Variants in C17orf100 observed in about 807,000 individuals in gnomAD.
C17orf100 encodes uncharacterized protein C17orf100.
Under a neutral mutation model 0.7 loss-of-function variants are expected in C17orf100, and 1 was observed. The ratio of observed to expected loss-of-function variants is 1.50; its 90% CI spans 0.53 to 7.13. C17orf100 has a LOEUF of 7.13. Ranked by LOEUF, C17orf100 falls within the 30% of genes most tolerant of loss-of-function variation. C17orf100 has a pLI of 0.14. For synonymous variants in C17orf100, 87 were observed against 84.0 expected (o/e 1.04, Z -0.20); for missense variants, 168 against 171.5 (o/e 0.98, Z 0.11).
rs759872575 is a variant in C17orf100 at position 6,652,232 on chromosome 17, A to G, written c.319A>G (p.Lys107Glu). 11 of 1,608,280 alleles carry G rather than the reference A, an allele frequency of 6.8e-6. No homozygotes were observed. In the African/African-American group the frequency reaches 1.5e-4, roughly 21 times the overall value. Residue 107 changes from lysine (K) to glutamate (E), a missense_variant, in exon 1 of 1, where the codon AAG becomes GAG. Physicochemically the swap from Lys to Glu is moderately conservative, Grantham distance 56 (BLOSUM62 1). Transcript: ENST00000542475. Reference protein sequence around the residue: ...HCAESPTPRAKPAARQNEKTA... With the variant: ...HCAESPTPRAEPAARQNEKTA... ...CGCGGAGAGCCCGACCCCGCGGGCC[A>G]AGCCGGCCGCCCGCCAGAACGAAAA...
rs1972842129 is a variant in C17orf100, at chr17:6,651,797, C to G, written c.-117C>G. 1 of 1,442,480 alleles carries G rather than the reference C, an allele frequency of 6.9e-7. No homozygotes were observed. Among genetic ancestry groups the G allele is most frequent in the African/African-American group, 1.4e-5 (1 of 69,808 alleles). 89.4% of individuals were successfully genotyped at this position (1,442,480 alleles called of 1,614,324 possible). A position where few individuals can be genotyped will look rare whatever the true frequency, so the allele number is the denominator to read the frequency against. ...TCGAAGGACCATGGTGCTTCCACGT[C>G]ATCGTGTTGTGGCGCTCCCGGCTAT... On this transcript the variant is annotated 5_prime_UTR_variant, in exon 1 of 1. Coordinates refer to ENST00000542475, the MANE Select transcript of C17orf100 (RefSeq NM_001105520.2).
Position 6,651,864 on chromosome 17 carries a change from T to A in C17orf100, c.-50T>A, listed in dbSNP as rs945489497. 2.1e-6 allele frequency: 3 copies of A among 1,452,234 alleles called. No homozygotes were observed. In the South Asian group the frequency reaches 4.4e-5, roughly 21 times the overall value. 90.0% of individuals were successfully genotyped at this position (1,452,234 alleles called of 1,614,324 possible). On this transcript the variant is annotated 5_prime_UTR_variant, in exon 1 of 1. It adds an upstream start codon to the 5' untranslated region. Coordinates refer to ENST00000542475, the MANE Select transcript of C17orf100 (RefSeq NM_001105520.2). ...TCCTCTCTTCTGCCTGCGGTGACCATTGGGCTGTAGGGTGCCCCGAGGCCT... is the reference window on the plus strand; with the variant it reads ...TCCTCTCTTCTGCCTGCGGTGACCAATGGGCTGTAGGGTGCCCCGAGGCCT...
rs1290484127 is a variant in C17orf100, at chr17:6,652,576, G to A, written c.*306G>A. The A allele has an allele frequency of 3.5e-6, 4 of 1,151,650 alleles. No homozygotes were observed. The highest frequency in any genetic ancestry group is 4.6e-6 in the Non-Finnish European group (4 of 871,948). 71.3% of individuals were successfully genotyped at this position (1,151,650 alleles called of 1,614,324 possible). ...TCGGGTTGATGGACAAAGAGAGGCT[G>A]TTTGAGCCTCTGAGCCAGGTGAGTT... On this transcript the variant is annotated 3_prime_UTR_variant, in exon 1 of 1. Coordinates refer to ENST00000542475, the MANE Select transcript of C17orf100 (RefSeq NM_001105520.2).
Position 6,652,113 on chromosome 17 carries a change from C to T in C17orf100, c.200C>T (p.Ser67Phe), listed in dbSNP as rs918275335. The change falls in exon 1 of 1, where the codon TCC (serine) becomes TTC (phenylalanine). Residue 67 changes from serine to phenylalanine, a missense_variant. By Grantham distance (155) the Ser-to-Phe change is radical. Transcript: ENST00000542475. ...GKRLPRILEA[S>F]SRHVESSSQR... ...CGGCTCCCTCGCATCCTCGAGGCGTCCTCCCGGCACGTGGAATCCTCCTCG... is the reference window on the plus strand; with the variant it reads ...CGGCTCCCTCGCATCCTCGAGGCGTTCTCCCGGCACGTGGAATCCTCCTCG... 6.3e-7 allele frequency: 1 copy of T among 1,589,968 alleles called. No homozygotes were observed.
At position 6,652,481 on chromosome 17, in the gene C17orf100, T is replaced by G; in HGVS notation, c.*211T>G. 6.9e-7 allele frequency: 1 copy of G among 1,452,714 alleles called. No individual in the cohort carries two copies. Among genetic ancestry groups the G allele is most frequent in the Non-Finnish European group, 9.1e-7 (1 of 1,101,000 alleles). 90.0% of individuals were successfully genotyped at this position (1,452,714 alleles called of 1,614,324 possible). On this transcript the variant is annotated 3_prime_UTR_variant, in exon 1 of 1. Transcript: ENST00000542475. ...CGTCCTGCGTCTTGGACCAGCCTACTTTTGACCCAGTGAACTATTTTCACT... is the reference window on the plus strand; with the variant it reads ...CGTCCTGCGTCTTGGACCAGCCTACGTTTGACCCAGTGAACTATTTTCACT...
In C17orf100 at chr17:6,651,965, C is replaced by T. The variant is rs1453482116; in HGVS notation, c.52C>T (p.Arg18Cys). The T allele has an allele frequency of 3.9e-6, 6 of 1,540,146 alleles. No homozygotes were observed. The highest frequency in any genetic ancestry group is 1.4e-5 in the African/African-American group (1 of 73,068). The change falls in exon 1 of 1, where the codon CGC (arginine) becomes TGC (cysteine). Residue 18 changes from arginine (R) to cysteine (C), a missense_variant. Coordinates refer to ENST00000542475, the MANE Select transcript of C17orf100 (RefSeq NM_001105520.2). ...KQSSPRVGTT[R>C]YTETSTVRVE... Reference sequence around the variant, plus strand: ...GTCTTCGCCCCGGGTGGGGACCACCCGCTACACAGAGACGTCCACGGTCCG... The same window carrying T: ...GTCTTCGCCCCGGGTGGGGACCACCTGCTACACAGAGACGTCCACGGTCCG...
Position 6,652,167 on chromosome 17 carries a change from T to A in C17orf100, c.254T>A (p.Val85Asp). Residue 85 changes from valine (V) to aspartate (D), a missense_variant, in exon 1 of 1, where the codon GTC (valine) becomes GAC (aspartate). Physicochemically the swap from Val to Asp is radical, Grantham distance 152 (BLOSUM62 -3). Coordinates refer to ENST00000542475, the MANE Select transcript of C17orf100 (RefSeq NM_001105520.2). ...CGCACGGAAACGACCTCCCGCCACG[T>A]CAGAGCCTCGTCCCTGAGGGTGGAG... Reference protein sequence around the residue: ...SQRTETTSRHVRASSLRVETS... With the variant: ...SQRTETTSRHDRASSLRVETS... 6.2e-7 allele frequency: 1 copy of A among 1,604,056 alleles called. No homozygotes were observed. Among genetic ancestry groups the A allele is most frequent in the Non-Finnish European group, 8.5e-7 (1 of 1,179,340 alleles).
In C17orf100 at chr17:6,652,335, TGCCA is replaced by T. The variant is rs747097323; in HGVS notation, c.*80_*83del. On this transcript the variant is annotated 3_prime_UTR_variant, in exon 1 of 1. Coordinates refer to ENST00000542475, the MANE Select transcript of C17orf100 (RefSeq NM_001105520.2). ...CAGCCAGGACAGAAAGGCCTCCAGT[TGCCA>T]GCCAGCCAGCCAGCTGCCAGGTGGA... 38 of 1,595,264 alleles carry T rather than the reference TGCCA, an allele frequency of 2.4e-5. 1 individual carries two copies. The highest frequency in any genetic ancestry group is 2.3e-4 in the South Asian group (20 of 88,744).
Position 6,652,473 on chromosome 17 carries a change from C to A in C17orf100, c.*203C>A. The A allele has an allele frequency of 6.9e-7, 1 of 1,459,458 alleles. No homozygotes were observed. Among genetic ancestry groups the A allele is most frequent in the Non-Finnish European group, 9.1e-7 (1 of 1,104,954 alleles). 90.4% of individuals were successfully genotyped at this position (1,459,458 alleles called of 1,614,324 possible). ...TTACTGACCGTCCTGCGTCTTGGACCAGCCTACTTTTGACCCAGTGAACTA... is the reference window on the plus strand; with the variant it reads ...TTACTGACCGTCCTGCGTCTTGGACAAGCCTACTTTTGACCCAGTGAACTA... On this transcript the variant is annotated 3_prime_UTR_variant, in exon 1 of 1. Transcript: ENST00000542475.
At position 6,652,225 on chromosome 17, in the gene C17orf100, G is replaced by T. The variant is rs74923988; in HGVS notation, c.312G>T (p.Pro104=). 3.7e-6 allele frequency: 6 copies of T among 1,607,538 alleles called. No individual in the cohort carries two copies. In the East Asian group the frequency reaches 1.1e-4, roughly 30 times the overall value. The change falls in exon 1 of 1, where the codon CCG becomes CCT. Residue 104 remains proline (P), a synonymous_variant. Transcript: ENST00000542475. ...TSLHCAESPT[P]RAKPAARQNE... ...TGCACTGCGCGGAGAGCCCGACCCC[G>T]CGGGCCAAGCCGGCCGCCCGCCAGA...
At position 6,652,684 on chromosome 17, in the gene C17orf100, C is replaced by T. The variant is rs1972855410; in HGVS notation, c.*414C>T. 1 of 249,630 alleles carries T rather than the reference C, an allele frequency of 4.0e-6. No individual in the cohort carries two copies. Among genetic ancestry groups the T allele is most frequent in the Non-Finnish European group, 8.1e-6 (1 of 124,172 alleles). The allele number at this position is 249,630 out of a possible 1,614,324, so 15.5% of individuals were successfully genotyped here. A position where few individuals can be genotyped will look rare whatever the true frequency, so the allele number is the denominator to read the frequency against. On this transcript the variant is annotated 3_prime_UTR_variant, in exon 1 of 1. Coordinates refer to ENST00000542475, the MANE Select transcript of C17orf100 (RefSeq NM_001105520.2). Reference sequence around the variant, plus strand: ...TAATGACCTGTGGAATGATTCCATGCCTGCTAAAAACTCGAGGGACAAGGA... The same window carrying T: ...TAATGACCTGTGGAATGATTCCATGTCTGCTAAAAACTCGAGGGACAAGGA...
chr17:6,651,970 C>T lies in C17orf100; in HGVS notation c.57C>T (p.Tyr19=), dbSNP rs1376752551. 2.6e-6 allele frequency: 4 copies of T among 1,546,584 alleles called. No individual in the cohort carries two copies. The highest frequency in any genetic ancestry group is 1.7e-4 in the Middle Eastern group (1 of 5,946). ...QSSPRVGTTR[Y]TETSTVRVET... is the part of the protein sequence containing the mutation. ...CGCCCCGGGTGGGGACCACCCGCTA[C>T]ACAGAGACGTCCACGGTCCGCGTGG... Residue 19 remains tyrosine, a synonymous_variant, in exon 1 of 1, where the codon TAC becomes TAT. Coordinates refer to ENST00000542475, the MANE Select transcript of C17orf100 (RefSeq NM_001105520.2).
chr17:6,652,158 C>T lies in C17orf100; in HGVS notation c.245C>T (p.Ser82Phe). 6.2e-7 allele frequency: 1 copy of T among 1,602,354 alleles called. No homozygotes were observed. The highest frequency in any genetic ancestry group is 8.5e-7 in the Non-Finnish European group (1 of 1,178,944). ...ESSSQRTETTSRHVRASSLRV... is the reference protein window; with the variant it reads ...ESSSQRTETTFRHVRASSLRV... The stretch of plus-strand genomic sequence containing the variant: ...TCCTCGCAGCGCACGGAAACGACCT[C>T]CCGCCACGTCAGAGCCTCGTCCCTG... Residue 82 changes from serine (S) to phenylalanine (F), a missense_variant, in exon 1 of 1, where the codon TCC becomes TTC. Transcript: ENST00000542475.
chr17:6,652,651 A>C lies in C17orf100; in HGVS notation c.*381A>C. ...CTTCACCCCTTAGGAACAGAGACCA[A>C]ACTGAAATAATGACCTGTGGAATGA... On this transcript the variant is annotated 3_prime_UTR_variant, in exon 1 of 1. Transcript: ENST00000542475. 3 of 366,960 alleles carry C rather than the reference A, an allele frequency of 8.2e-6. No individual in the cohort carries two copies. The highest frequency in any genetic ancestry group is 3.6e-5 in the South Asian group (1 of 27,654). 22.7% of individuals were successfully genotyped at this position (366,960 alleles called of 1,614,324 possible).
Position 6,652,597 on chromosome 17 carries a change from G to C in C17orf100, c.*327G>C, listed in dbSNP as rs988806940. The C allele has an allele frequency of 4.2e-6, 4 of 941,966 alleles. No individual in the cohort carries two copies. In the African/African-American group the frequency reaches 6.9e-5, roughly 16 times the overall value. 58.4% of individuals were successfully genotyped at this position (941,966 alleles called of 1,614,324 possible). ...GGCTGTTTGAGCCTCTGAGCCAGGT[G>C]AGTTTGGGATCCACAGCCCTCAGAA... On this transcript the variant is annotated 3_prime_UTR_variant, in exon 1 of 1. Coordinates refer to ENST00000542475, the MANE Select transcript of C17orf100 (RefSeq NM_001105520.2).
chr17:6,651,846 T>G lies in C17orf100; in HGVS notation c.-68T>G, dbSNP rs1398840403. ...ATGGCAGTACCGTAGTTTTCCTCTCTTCTGCCTGCGGTGACCATTGGGCTG... is the reference window on the plus strand; with the variant it reads ...ATGGCAGTACCGTAGTTTTCCTCTCGTCTGCCTGCGGTGACCATTGGGCTG... On this transcript the variant is annotated 5_prime_UTR_variant, in exon 1 of 1. Coordinates refer to ENST00000542475, the MANE Select transcript of C17orf100 (RefSeq NM_001105520.2). The G allele has an allele frequency of 2.8e-6, 4 of 1,447,386 alleles. No individual in the cohort carries two copies. The highest frequency in any genetic ancestry group is 3.6e-6 in the Non-Finnish European group (4 of 1,102,238). 89.7% of individuals were successfully genotyped at this position (1,447,386 alleles called of 1,614,324 possible).
At position 6,652,576 on chromosome 17, in the gene C17orf100, G is replaced by GCCTCTC; in HGVS notation, c.*306_*307insCCTCTC. ...TCGGGTTGATGGACAAAGAGAGGCT[G>GCCTCTC]TTTGAGCCTCTGAGCCAGGTGAGTT... On this transcript the variant is annotated 3_prime_UTR_variant, in exon 1 of 1. Transcript: ENST00000542475. The GCCTCTC allele has an allele frequency of 1.7e-6, 2 of 1,151,742 alleles. No homozygotes were observed. Among genetic ancestry groups the GCCTCTC allele is most frequent in the Non-Finnish European group, 2.3e-6 (2 of 871,914 alleles). The allele number at this position is 1,151,742 out of a possible 1,614,324, so 71.3% of individuals were successfully genotyped here.
In C17orf100 at chr17:6,652,518, CAGA is replaced by C. The variant is rs768398868; in HGVS notation, c.*251_*253del. 4.9e-6 allele frequency: 7 copies of C among 1,422,500 alleles called. No homozygotes were observed. The highest frequency in any genetic ancestry group is 6.5e-6 in the Non-Finnish European group (7 of 1,081,912). The allele number at this position is 1,422,500 out of a possible 1,614,324, so 88.1% of individuals were successfully genotyped here. On this transcript the variant is annotated 3_prime_UTR_variant, in exon 1 of 1. Coordinates refer to ENST00000542475, the MANE Select transcript of C17orf100 (RefSeq NM_001105520.2). ...GAACTATTTTCACTTGAAGCCAGCA[CAGA>C]AGGTTTTCAGGCCCAGGATGCTGTC...
At position 6,652,845 on chromosome 17, in the gene C17orf100, A is replaced by G. The variant is rs1443782944; in HGVS notation, c.*575A>G. 6.0e-6 allele frequency: 1 copy of G among 166,984 alleles called. No homozygotes were observed. Among genetic ancestry groups the G allele is most frequent in the African/African-American group, 2.4e-5 (1 of 40,990 alleles). 10.3% of individuals were successfully genotyped at this position (166,984 alleles called of 1,614,324 possible). ...TAGGTTAGATGTGGTTAAAAATGAC[A>G]GTAAACCCACCAGCAAGCAAAAATA... On this transcript the variant is annotated 3_prime_UTR_variant, in exon 1 of 1. Coordinates refer to ENST00000542475, the MANE Select transcript of C17orf100 (RefSeq NM_001105520.2).
Sources: allele counts gnomAD v4.1 joint callset, GRCh38; gene constraint gnomAD v4.1.1; transcripts MANE v1.5; gene names NCBI Gene and HGNC (gene_info 2026-07-23, HGNC 2026-07-21).